The following ASB18 variants were observed in gnomAD, a reference collection of about 807,000 sequenced individuals.
The protein encoded by ASB18 is ankyrin repeat and SOCS box containing 18, also known as ankyrin repeat and SOCS box protein 18.
ASB18 carries 33 observed loss-of-function variants against 33.4 expected under a neutral mutation model. The observed-to-expected ratio is 0.99, with a 90% CI of 0.75 to 1.32. The LOEUF is 1.32. ASB18 is among the 40% of genes most tolerant of loss of function. The probability of loss-of-function intolerance (pLI) is 0.00; values close to 1 mark genes in which losing one functional copy is unlikely to be tolerated. For synonymous variants in ASB18, 295 were observed against 307.6 expected (o/e 0.96, Z 0.43); for missense variants, 694 against 655.5 (o/e 1.06, Z -0.64).
rs574536588 is a variant in ASB18 at position 236,235,407 on chromosome 2, T to G, written c.596+2282A>C. 1.3e-4 allele frequency among the ~76,000 whole-genome samples: 20 copies of G among 152,356 alleles called. No homozygotes were observed. Among genetic ancestry groups the G allele is most frequent in the Admixed American group, 2.0e-4 (3 of 15,312 alleles). The stretch of plus-strand genomic sequence containing the variant: ...TCCTGGTTTGTGTAAATATACTCTA[T>G]GATGTTTACACAATGATGAAACAAC... On this transcript the variant is annotated intron_variant, in intron 3 of 5. Coordinates refer to ENST00000409749, the MANE Select transcript of ASB18 (RefSeq NM_212556.4). This position sits in a 1 kb window ranked among gnomAD's most constrained non-coding sequence, Gnocchi z 6.2.
rs2060538189 is a variant in ASB18, at chr2:236,226,404, A to G, written c.596+11285T>C. Among the ~76,000 whole-genome samples the G allele has an allele frequency of 6.6e-6, 1 of 152,190 alleles. No homozygotes were observed. The highest frequency in any genetic ancestry group is 2.4e-5 in the African/African-American group (1 of 41,438). ...CAAAGGGAAAGACTCCCATAGAGCG[A>G]CACAGAGAAGAGAAAATGAAACAAG... On this transcript the variant is annotated intron_variant, in intron 3 of 5. Coordinates refer to ENST00000409749, the MANE Select transcript of ASB18 (RefSeq NM_212556.4). This position sits in a 1 kb window ranked among gnomAD's most constrained non-coding sequence, Gnocchi z 4.8.
In ASB18 at chr2:236,195,614, C is replaced by G. The variant is rs1002738561; in HGVS notation, c.1216-557G>C. Among the ~76,000 whole-genome samples the G allele has an allele frequency of 9.9e-5, 15 of 151,936 alleles. No individual in the cohort carries two copies. The highest frequency in any genetic ancestry group is 3.6e-4 in the African/African-American group (15 of 41,336). On this transcript the variant is annotated intron_variant, in intron 5 of 5. Transcript: ENST00000409749. This position sits in a 1 kb window ranked among gnomAD's most constrained non-coding sequence, Gnocchi z 5.5. ...TATTGCACTCTCTGCCTCCTGGGCTCAAGCGATTCTCCTGCCTTAGCCTCC... is the reference window on the plus strand; with the variant it reads ...TATTGCACTCTCTGCCTCCTGGGCTGAAGCGATTCTCCTGCCTTAGCCTCC...
At position 236,214,722 on chromosome 2, in the gene ASB18, C is replaced by T; in HGVS notation, c.741G>A (p.Ala247=). 8.6e-7 allele frequency: 1 copy of T among 1,159,102 alleles called. No homozygotes were observed. The highest frequency in any genetic ancestry group is 1.1e-6 in the Non-Finnish European group (1 of 942,252). The allele number at this position is 1,159,102 out of a possible 1,614,324, so 71.8% of individuals were successfully genotyped here. A position where few individuals can be genotyped will look rare whatever the true frequency, so the allele number is the denominator to read the frequency against. ...GAGCCGTCTCTCCGCGGCCGTTCCT[C>T]GCGTCCACGTGCGCCCCGCGGCCCA... The part of the protein sequence containing the change: ...LYLGRGAHVD[A]RNGRGETALS... The change falls in exon 4 of 6, where the codon GCG becomes GCA. Residue 247 remains alanine, a synonymous_variant. Transcript: ENST00000409749. This position sits in a 1 kb window ranked among gnomAD's most constrained non-coding sequence, Gnocchi z 6.5.
rs6752901 is a variant in ASB18 at position 236,263,006 on chromosome 2, G to A, written c.205+1135C>T. Among the ~76,000 whole-genome samples, 7,627 of 152,184 alleles carry A rather than the reference G, an allele frequency of 0.05. 590 individuals carry two copies. Among genetic ancestry groups the A allele is most frequent in the African/African-American group, 0.17 (6,901 of 41,514 alleles). On this transcript the variant is annotated intron_variant, in intron 1 of 5. Coordinates refer to ENST00000409749, the MANE Select transcript of ASB18 (RefSeq NM_212556.4). The surrounding 1 kb of genome is among the most constrained non-coding windows in gnomAD (Gnocchi z 4.0). ...CATCTGTGTTCCTCCTGCATGTTGCGCACACGTGTGCATGTGATGCATGTA... is the reference window on the plus strand; with the variant it reads ...CATCTGTGTTCCTCCTGCATGTTGCACACACGTGTGCATGTGATGCATGTA...
rs2060622485 is a variant in ASB18 at position 236,241,806 on chromosome 2, A to T, written c.206-404T>A. 6.6e-6 allele frequency among the ~76,000 whole-genome samples: 1 copy of T among 152,170 alleles called. No homozygotes were observed. Among genetic ancestry groups the T allele is most frequent in the African/African-American group, 2.4e-5 (1 of 41,444 alleles). ...CTCCAAAGCAGCTCTCCATGCACCG[A>T]GGGCAGACTCCCAGCACACATTTAA... is the stretch of plus-strand genomic sequence containing the variant. On this transcript the variant is annotated intron_variant, in intron 1 of 5. Transcript: ENST00000409749. This position sits in a 1 kb window ranked among gnomAD's most constrained non-coding sequence, Gnocchi z 4.2.
chr2:236,239,267 T>C lies in ASB18; in HGVS notation c.329-1311A>G, dbSNP rs976546220. On this transcript the variant is annotated intron_variant, in intron 2 of 5. Coordinates refer to ENST00000409749, the MANE Select transcript of ASB18 (RefSeq NM_212556.4). This position sits in a 1 kb window ranked among gnomAD's most constrained non-coding sequence, Gnocchi z 5.6. ...ACTACTTACTGCCTTCTCTGGGAAA[T>C]GCTAAATCCCCAACCCAGCCCCACC... is the stretch of plus-strand genomic sequence containing the variant. 1.3e-5 allele frequency among the ~76,000 whole-genome samples: 2 copies of C among 152,216 alleles called. No individual in the cohort carries two copies. The highest frequency in any genetic ancestry group is 2.9e-5 in the Non-Finnish European group (2 of 68,032).
chr2:236,250,103 T>G lies in ASB18; in HGVS notation c.206-8701A>C, dbSNP rs2060662581. On this transcript the variant is annotated intron_variant, in intron 1 of 5. Transcript: ENST00000409749. The surrounding 1 kb of genome is among the most constrained non-coding windows in gnomAD (Gnocchi z 4.1). ...GGTAAAATCCACCTTGAAATTATAA[T>G]GGGGTATCCACATGGTAGTGTTTGA... is the stretch of plus-strand genomic sequence containing the variant. 6.6e-6 allele frequency: 1 copy of G among 152,208 alleles called. No individual in the cohort carries two copies. The highest frequency in any genetic ancestry group is 2.1e-4 in the South Asian group (1 of 4,828). The allele number at this position is 152,208 out of a possible 1,614,324, so 9.4% of individuals were successfully genotyped here. A position where few individuals can be genotyped will look rare whatever the true frequency, so the allele number is the denominator to read the frequency against.
Position 236,227,585 on chromosome 2 carries a change from A to C in ASB18, c.596+10104T>G, listed in dbSNP as rs534362125. On this transcript the variant is annotated intron_variant, in intron 3 of 5. Coordinates refer to ENST00000409749, the MANE Select transcript of ASB18 (RefSeq NM_212556.4). ...CTAGTAAGTGTTGGAATTAGAATTC[A>C]ACCTGGGCCTCAAATGTGGTAAAAT... Among the ~76,000 whole-genome samples, 11 of 152,344 alleles carry C rather than the reference A, an allele frequency of 7.2e-5. No homozygotes were observed. In the South Asian group the frequency reaches 2.3e-3, roughly 32 times the overall value.
chr2:236,199,640 A>G lies in ASB18; in HGVS notation c.1102-3255T>C, dbSNP rs1024307271. 9.9e-5 allele frequency among the ~76,000 whole-genome samples: 15 copies of G among 151,878 alleles called. 1 individual carries two copies. The highest frequency in any genetic ancestry group is 8.6e-4 in the Admixed American group (13 of 15,192). On this transcript the variant is annotated intron_variant, in intron 4 of 5. Transcript: ENST00000409749. ...TAAGCACACTTTTCTCATTTGAAAT[A>G]GTAGAGTATACATAATACAGTGCCA... is the stretch of plus-strand genomic sequence containing the variant.
Position 236,222,836 on chromosome 2 carries a change from A to T in ASB18, c.597-7970T>A, listed in dbSNP as rs1194777365. ...GGAGTTTGAGACCAGCCTGGCCAAC[A>T]TGGTGAAACCCTATCTCTACTAAAA... On this transcript the variant is annotated intron_variant, in intron 3 of 5. Transcript: ENST00000409749. This position sits in a 1 kb window ranked among gnomAD's most constrained non-coding sequence, Gnocchi z 5.5. Among the ~76,000 whole-genome samples the T allele has an allele frequency of 6.6e-6, 1 of 152,200 alleles. No homozygotes were observed. Among genetic ancestry groups the T allele is most frequent in the Non-Finnish European group, 1.5e-5 (1 of 68,036 alleles).
chr2:236,208,293 T>C lies in ASB18; in HGVS notation c.1101+6069A>G, dbSNP rs1477125432. On this transcript the variant is annotated intron_variant, in intron 4 of 5. Transcript: ENST00000409749. This position sits in a 1 kb window ranked among gnomAD's most constrained non-coding sequence, Gnocchi z 7.7. Reference sequence around the variant, plus strand: ...TCTGCGCCCCACACATGTTGATATTTCTGGCTCACACGAGCCCCACTAACA... The same window carrying C: ...TCTGCGCCCCACACATGTTGATATTCCTGGCTCACACGAGCCCCACTAACA... Among the ~76,000 whole-genome samples the C allele has an allele frequency of 6.6e-6, 1 of 152,102 alleles. No homozygotes were observed. The highest frequency in any genetic ancestry group is 1.9e-4 in the East Asian group (1 of 5,174).
At position 236,255,689 on chromosome 2, in the gene ASB18, C is replaced by T. The variant is rs575683923; in HGVS notation, c.205+8452G>A. On this transcript the variant is annotated intron_variant, in intron 1 of 5. Transcript: ENST00000409749. The surrounding 1 kb of genome is among the most constrained non-coding windows in gnomAD (Gnocchi z 4.4). ...AAATTAAGATGACCTCATTCCTTTGCTGAATGGCTCCTCATGGCTTTTCCA... is the reference window on the plus strand; with the variant it reads ...AAATTAAGATGACCTCATTCCTTTGTTGAATGGCTCCTCATGGCTTTTCCA... Among the ~76,000 whole-genome samples, 1 of 152,310 alleles carries T rather than the reference C, an allele frequency of 6.6e-6. No individual in the cohort carries two copies. Among genetic ancestry groups the T allele is most frequent in the Admixed American group, 6.5e-5 (1 of 15,294 alleles).
rs1340695206 is a variant in ASB18, at chr2:236,256,003, T to C, written c.205+8138A>G. On this transcript the variant is annotated intron_variant, in intron 1 of 5. Transcript: ENST00000409749. This position sits in a 1 kb window ranked among gnomAD's most constrained non-coding sequence, Gnocchi z 4.7. ...CTGTGCTATTTGGTGCATTAATATT[T>C]ATTTTTTATTTATTTATTTTTAATT... Among the ~76,000 whole-genome samples the C allele has an allele frequency of 6.6e-6, 1 of 152,174 alleles. No homozygotes were observed. The highest frequency in any genetic ancestry group is 2.4e-5 in the African/African-American group (1 of 41,438).
rs1428747047 is a variant in ASB18, at chr2:236,255,391, C to A, written c.205+8750G>T. On this transcript the variant is annotated intron_variant, in intron 1 of 5. Transcript: ENST00000409749. The surrounding 1 kb of genome is among the most constrained non-coding windows in gnomAD (Gnocchi z 4.4). The stretch of plus-strand genomic sequence containing the variant: ...ACTCCTGACCTCAGGTGATCTGCCC[C>A]CCTCGGCCTATCAAAGTGCTGGGAT... Among the ~76,000 whole-genome samples, 1 of 152,114 alleles carries A rather than the reference C, an allele frequency of 6.6e-6. No homozygotes were observed. The highest frequency in any genetic ancestry group is 1.5e-5 in the Non-Finnish European group (1 of 68,030).
rs1481643589 is a variant in ASB18 at position 236,214,348 on chromosome 2, G to A, written c.1101+14C>T. On this transcript the variant is annotated intron_variant, in intron 4 of 5. Coordinates refer to ENST00000409749, the MANE Select transcript of ASB18 (RefSeq NM_212556.4). The surrounding 1 kb of genome is among the most constrained non-coding windows in gnomAD (Gnocchi z 6.5). The stretch of plus-strand genomic sequence containing the variant: ...CTCCAGGGCACGTGCCAGCCGGGCT[G>A]GATCCTGCCTTACCTTGGGGAAGGC... The A allele has an allele frequency of 1.3e-6, 2 of 1,565,436 alleles. No individual in the cohort carries two copies. Among genetic ancestry groups the A allele is most frequent in the Non-Finnish European group, 1.7e-6 (2 of 1,159,284 alleles).
intron 1 of ASB18, among the ~76,000 whole-genome samples, chr2:236,242,064 C>T (rs181209039): frequency 6.6e-6 from 1 of 152,150 alleles, no homozygotes; most frequent in East Asian, 1.9e-4. Flanking sequence ...TATGAAGCAC[C>T]CGATGTACAC....
In ASB18 at chr2:236,241,434, C is replaced by G; in HGVS notation, c.206-32G>C. 1 of 1,613,472 alleles carries G rather than the reference C, an allele frequency of 6.2e-7. No individual in the cohort carries two copies. Among genetic ancestry groups the G allele is most frequent in the Non-Finnish European group, 8.5e-7 (1 of 1,179,562 alleles). On this transcript the variant is annotated intron_variant, in intron 1 of 5. Transcript: ENST00000409749. The surrounding 1 kb of genome is among the most constrained non-coding windows in gnomAD (Gnocchi z 4.2). ...CCAGGGCAGTGTGGTACTCCTGCAC[C>G]GGGGACCCTGCTCTAGCTTGAGGAT...
chr2:236,264,111 T>A lies in ASB18; in HGVS notation c.205+30A>T. On this transcript the variant is annotated intron_variant, in intron 1 of 5. Coordinates refer to ENST00000409749, the MANE Select transcript of ASB18 (RefSeq NM_212556.4). This position sits in a 1 kb window ranked among gnomAD's most constrained non-coding sequence, Gnocchi z 5.1. ...CCATCAGTGTAACTTAGTAATTAAA[T>A]CCCAGATGCAGCAGGCTCGTTCTGG... 6.2e-7 allele frequency: 1 copy of A among 1,603,022 alleles called. No individual in the cohort carries two copies. The highest frequency in any genetic ancestry group is 1.1e-5 in the South Asian group (1 of 90,284).
At chr2:236,212,671 C>T (rs1420337835) in intron 4 of ASB18, among the ~76,000 whole-genome samples, 1 of 152,180 alleles carries the variant, frequency 6.6e-6, no homozygotes, top group African/African-American at 2.4e-5. Context: ...ATCACCCAGG[C>T]TGGAGTGTAG....
Sources: gnomAD v4.1 joint callset for allele counts (sites outside exome capture counted in the v4.1 genomes callset) on GRCh38, gnomAD v4.1.1 for gene constraint, Gnocchi (gnomAD v3.1) non-coding constraint, MANE v1.5 for transcripts, NCBI Gene and HGNC (gene_info 2026-07-23, HGNC 2026-07-21) for gene names.